The following STRA6 variants were observed in gnomAD, a reference collection of about 807,000 sequenced individuals.
The protein encoded by STRA6 is signaling receptor and transporter of retinol STRA6, also known as receptor for retinol uptake STRA6.
Under a neutral mutation model 83.6 loss-of-function variants are expected in STRA6, and 48 were observed. The observed-to-expected ratio is 0.57, with a 90% confidence interval of 0.46 to 0.73. The LOEUF is 0.73. STRA6 is among the 30% of genes least tolerant of loss of function. STRA6 has a pLI of 0.00. For synonymous variants in STRA6, 353 were observed against 362.3 expected, an observed-to-expected ratio of 0.97 and a Z score of 0.29; for missense variants, 760 against 838.8, an observed-to-expected ratio of 0.91 and a Z score of 1.16.
At position 74,184,654 on chromosome 15, in the gene STRA6, G is replaced by A. The variant is rs568160501; in HGVS notation, c.1166+326C>T. Among the ~76,000 whole-genome samples the A allele has an allele frequency of 6.6e-5, 10 of 152,320 alleles. No individual in the cohort carries two copies. In the South Asian group the frequency reaches 1.9e-3, roughly 28 times the overall value. On this transcript the variant is annotated intron_variant, in intron 13 of 18. Coordinates refer to ENST00000395105, the MANE Select transcript of STRA6 (RefSeq NM_022369.4). Reference sequence around the variant, plus strand: ...CCTATCTCCTTCCATTCCCGGGCAGGTGCAGCTTCCCCAGGCCACCTTCCC... The same window carrying A: ...CCTATCTCCTTCCATTCCCGGGCAGATGCAGCTTCCCCAGGCCACCTTCCC...
chr15:74,183,478 T>G, intron 14 of STRA6: 2 of 1,142,870 alleles, frequency 1.7e-6, no homozygotes, highest in South Asian at 3.9e-5. Flanking sequence ...TCTCCTGACT[T>G]CGTGATCCAC....
At position 74,190,855 on chromosome 15, in the gene STRA6, C is replaced by T. The variant is rs2073495490; in HGVS notation, c.912G>A (p.Gly304=). The T allele has an allele frequency of 1.2e-6, 2 of 1,614,086 alleles. No individual in the cohort carries two copies. Among genetic ancestry groups the T allele is most frequent in the Non-Finnish European group, 1.7e-6 (2 of 1,180,012 alleles). ...AGGGACATACCTGGTAAATGGCCGTCCCTGTCAGTGTAGCTGAAAGCACCA... is the reference window on the plus strand; with the variant it reads ...AGGGACATACCTGGTAAATGGCCGTTCCTGTCAGTGTAGCTGAAAGCACCA... ...LKLVLSATLT[G]TAIYQVALLL... Residue 304 remains glycine, a synonymous_variant, in exon 11 of 19, where the codon GGG becomes GGA. Transcript: ENST00000395105.
Position 74,198,520 on chromosome 15 carries a change from T to G in STRA6, c.114-702A>C, listed in dbSNP as rs74323617. ...CACAGACGTCTTCTCAGAACTGCAG[T>G]TGAGCACACTACCTGGGTCAAGCAG... On this transcript the variant is annotated intron_variant, in intron 2 of 18. Transcript: ENST00000395105. 4.8e-3 allele frequency among the ~76,000 whole-genome samples: 726 copies of G among 152,320 alleles called. 5 individuals are homozygous for G. Among genetic ancestry groups the G allele is most frequent in the Non-Finnish European group, 7.8e-3 (534 of 68,026 alleles).
At chr15:74,197,527 G>A (rs1319869184) in intron 3 of STRA6, 104 bp from the exon 4 acceptor site, 1 of 1,134,472 alleles carries the variant, frequency 8.8e-7, no homozygotes, top group African/African-American at 1.5e-5. Context: ...TACCTGCCCA[G>A]TGCACACTCA....
intron 12 of STRA6, 40 bp from the exon 13 acceptor site, chr15:74,185,095 TG>T: frequency 6.2e-7 from 1 of 1,604,534 alleles, no homozygotes; most frequent in South Asian, 1.1e-5. Context: ...GGTCAGGGTC[TG>T]GAGAGTCTCC....
chr15:74,195,089 T>A, intron 7 of STRA6: 1 of 1,461,660 alleles, frequency 6.8e-7, no homozygotes, highest in Non-Finnish European at 9.0e-7. Flanking sequence ...AGACTTAAAG[T>A]TCCTGAGGGC....
At position 74,198,843 on chromosome 15, in the gene STRA6, C is replaced by T. The variant is rs560120057; in HGVS notation, c.114-1025G>A. On this transcript the variant is annotated intron_variant, in intron 2 of 18. Transcript: ENST00000395105. ...TGGTCCTGCACTCACCCTGGCTGAG[C>T]GCAGAGGTAAACCCACAGTGGAGAT... is the stretch of plus-strand genomic sequence containing the variant. Among the ~76,000 whole-genome samples the T allele has an allele frequency of 1.4e-4, 21 of 152,342 alleles. No individual in the cohort carries two copies. The East Asian group carries it at 3.7e-3, about 27-fold the overall frequency.
At chr15:74,207,956 C>T (rs2074300137) in intron 1 of STRA6, 14 of 1,441,076 alleles carry the variant, frequency 9.7e-6, no homozygotes, top group South Asian at 7.2e-5. Flanking sequence ...GTCTCTCTAC[C>T]TCCTACCTCC....
intron 14 of STRA6, 179 bp from the exon 15 acceptor site, chr15:74,182,639 C>G (rs1223381343): frequency 3.3e-6 from 2 of 606,872 alleles, no homozygotes; most frequent in African/African-American, 3.7e-5. Context: ...GCCTCAGTTT[C>G]TTCCTCTGTA....
intron 18 of STRA6, 83 bp from the exon 19 acceptor site, chr15:74,180,326 G>A (rs954236272): frequency 9.6e-6 from 15 of 1,563,144 alleles, no homozygotes; most frequent in Non-Finnish European, 1.3e-5. Context: ...CAGAGAGCCT[G>A]AAAATCCCAG....
chr15:74,207,642 A>G, upstream of STRA6: 1 of 1,481,412 alleles, frequency 6.8e-7, no homozygotes, highest in African/African-American at 1.4e-5. Context: ...GATAGCACGG[A>G]AGAGAACACG....
chr15:74,197,369 C>T lies in STRA6; in HGVS notation c.235G>A (p.Asp79Asn). Residue 79 changes from aspartate to asparagine, a missense_variant, in exon 4 of 19, where the codon GAC becomes AAC. Asp to Asn is a conservative substitution (Grantham distance 23, BLOSUM62 1). Transcript: ENST00000395105. ...MLVRRRQLWP[D>N]CVRGRPGLPS... ...AGGCCGGGCCTGCCACGCACACAGT[C>T]AGGCCAGAGCTGGCGGCGCCTCACC... 1 of 1,550,462 alleles carries T rather than the reference C, an allele frequency of 6.4e-7. No individual in the cohort carries two copies. The highest frequency in any genetic ancestry group is 8.7e-7 in the Non-Finnish European group (1 of 1,146,918).
At chr15:74,180,986 G>A (rs1253629592) in intron 17 of STRA6, 49 bp from the exon 18 acceptor site, 11 of 1,608,456 alleles carry the variant, frequency 6.8e-6, no homozygotes, top group Non-Finnish European at 9.3e-6. Context: ...GGGCCACACT[G>A]GAGGCATCCA....
upstream of STRA6, chr15:74,203,224 A>C: frequency 1.0e-6 from 1 of 985,174 alleles, no homozygotes; most frequent in Non-Finnish European, 1.2e-6. Context: ...TTGTTCCTAC[A>C]AGTTGATTTC....
upstream of STRA6, chr15:74,212,136 C>G (rs555220595): frequency 6.5e-6 from 1 of 153,166 alleles, no homozygotes; most frequent in African/African-American, 2.4e-5. Flanking sequence ...CCTGCTCTGT[C>G]TGTCCCCAGT....
upstream of STRA6, among the ~76,000 whole-genome samples, chr15:74,205,420 C>A (rs1351740524): frequency 1.3e-5 from 2 of 152,094 alleles, no homozygotes; most frequent in Non-Finnish European, 2.9e-5. Flanking sequence ...GGACACTTGG[C>A]AAGAGAGGGA....
chr15:74,191,021 G>T, intron 10 of STRA6, 120 bp from the exon 11 acceptor site: 5 of 1,570,656 alleles, frequency 3.2e-6, no homozygotes, highest in African/African-American at 1.4e-5. Flanking sequence ...GGCCAGGCCA[G>T]GGTCTTCCCG....
At chr15:74,195,169 G>A in intron 7 of STRA6, 133 bp downstream of exon 7, 3 of 1,526,922 alleles carry the variant, frequency 2.0e-6, no homozygotes, top group Admixed American at 2.0e-5. Flanking sequence ...CATGTTTGAA[G>A]GCATGGAATC....
In STRA6 at chr15:74,180,244, C is replaced by T; in HGVS notation, c.1841-1G>A. ...TCCTTTGTCTGTAGCAGCTGCATCC[C>T]TGAGAGAGACGGACTTTCTGTGAGT... On this transcript the variant is annotated splice_acceptor_variant, in intron 18 of 18. Transcript: ENST00000395105. LOFTEE classifies it high-confidence loss of function. The T allele has an allele frequency of 1.2e-6, 2 of 1,614,100 alleles. No individual in the cohort carries two copies. Among genetic ancestry groups the T allele is most frequent in the Non-Finnish European group, 1.7e-6 (2 of 1,180,024 alleles).
Sources: gnomAD v4.1 joint callset for allele counts (sites outside exome capture counted in the v4.1 genomes callset) on GRCh38, gnomAD v4.1.1 for gene constraint, MANE v1.5 for transcripts, NCBI Gene and HGNC (gene_info 2026-07-23, HGNC 2026-07-21) for gene names.